Variants in SDK1 observed in about 807,000 individuals in gnomAD.
The protein encoded by SDK1 is protein sidekick-1.
Under a neutral mutation model 245.5 loss-of-function variants are expected in SDK1, and 157 were observed. That is an observed-to-expected ratio of 0.64 (90% CI 0.56 to 0.73). SDK1 has a LOEUF of 0.73. Among genes scored for constraint, SDK1 ranks in the 30% least tolerant of loss-of-function variants. The pLI is 0.00. For synonymous variants in SDK1, 1,647 were observed against 1,278.5 expected, an observed-to-expected ratio of 1.29 and a Z score of -6.15; for missense variants, 3,583 against 3,002.3, an observed-to-expected ratio of 1.19 and a Z score of -4.52.
At chr7:3,558,126 G>A (rs764448114) in intron 1 of SDK1, among the ~76,000 whole-genome samples, 13 of 151,820 alleles carry the variant, frequency 8.6e-5, no homozygotes, top group Admixed American at 4.6e-4. Flanking sequence ...TGAAATGGCC[G>A]GTATAGTTGC....
At chr7:3,335,878 A>G (rs909959226) in intron 1 of SDK1, among the ~76,000 whole-genome samples, 3 of 152,160 alleles carry the variant, frequency 2.0e-5, no homozygotes, top group Admixed American at 6.5e-5. Context: ...TAGGACTCAA[A>G]ATCCCTGGAC....
chr7:3,380,653 T>G (rs1281014978), intron 1 of SDK1, among the ~76,000 whole-genome samples: 2 of 152,174 alleles, frequency 1.3e-5, no homozygotes, highest in Non-Finnish European at 2.9e-5. Flanking sequence ...GTTCAGGTCA[T>G]GTAGGGGAGC....
chr7:3,328,014 G>T (rs143749235), intron 1 of SDK1, among the ~76,000 whole-genome samples: 2 of 152,082 alleles, frequency 1.3e-5, no homozygotes, highest in Admixed American at 1.3e-4. Flanking sequence ...TCTGGAGGCT[G>T]TGAAAATTAG....
chr7:4,154,040 G>T (rs1267105764), intron 30 of SDK1, among the ~76,000 whole-genome samples: 1 of 152,144 alleles, frequency 6.6e-6, no homozygotes, highest in African/African-American at 2.4e-5. Context: ...AAAGACAGCA[G>T]TGAATCGCTT....
At chr7:4,097,813 T>C (rs1189920274) in intron 22 of SDK1, among the ~76,000 whole-genome samples, 2 of 152,194 alleles carry the variant, frequency 1.3e-5, no homozygotes, top group Non-Finnish European at 2.9e-5. Context: ...TGTAGTTGAA[T>C]TTCTTTTTCA....
chr7:3,370,915 C>G (rs1166464439), intron 1 of SDK1, among the ~76,000 whole-genome samples: 2 of 152,136 alleles, frequency 1.3e-5, no homozygotes, highest in Admixed American at 6.6e-5. Flanking sequence ...GCTCCTTTCT[C>G]TCCACTTTGA....
At chr7:3,689,733 C>T (rs1784393893) in intron 4 of SDK1, among the ~76,000 whole-genome samples, 2 of 152,118 alleles carry the variant, frequency 1.3e-5, no homozygotes, top group South Asian at 4.1e-4. Context: ...GGCTTTTGCT[C>T]CGTTCCTACT....
intron 35 of SDK1, among the ~76,000 whole-genome samples, chr7:4,189,567 C>T (rs563734132): frequency 1.3e-5 from 2 of 152,152 alleles, no homozygotes; most frequent in Non-Finnish European, 2.9e-5. Context: ...ATCACTCGGC[C>T]GGCCAGGCAT....
chr7:3,301,761 G>T lies in SDK1; in HGVS notation c.175G>T (p.Gly59Cys), dbSNP rs1033487503. The T allele has an allele frequency of 1.5e-5, 15 of 986,522 alleles. No individual in the cohort carries two copies. The South Asian group carries it at 3.6e-4, about 24-fold the overall frequency. The allele number at this position is 986,522 out of a possible 1,614,324, so 61.1% of individuals were successfully genotyped here. A position where few individuals can be genotyped will look rare whatever the true frequency, so the allele number is the denominator to read the frequency against. ...ACCCCGGGCGGCGCCCGAGACCTCCGGCGGGGACACGGCGGGCGCGGGGCG... is the reference window on the plus strand; with the variant it reads ...ACCCCGGGCGGCGCCCGAGACCTCCTGCGGGGACACGGCGGGCGCGGGGCG... ...SRPRAAPETS[G>C]GDTAGAGRCG... Residue 59 changes from glycine to cysteine, a missense_variant, in exon 1 of 45, where the codon GGC becomes TGC. By Grantham distance (159) the Gly-to-Cys change is radical. Transcript: ENST00000404826.
At chr7:3,404,984 A>G (rs1244009702) in intron 1 of SDK1, among the ~76,000 whole-genome samples, 2 of 152,160 alleles carry the variant, frequency 1.3e-5, no homozygotes, top group Non-Finnish European at 2.9e-5. Flanking sequence ...AAAGATTCTG[A>G]ACAAAAACAA....
chr7:3,566,329 A>G (rs1258886425), intron 1 of SDK1, among the ~76,000 whole-genome samples: 1 of 147,072 alleles, frequency 6.8e-6, no homozygotes, highest in Non-Finnish European at 1.5e-5. Flanking sequence ...GGTTCACGCC[A>G]TTCTCCTGCC....
At chr7:3,569,486 G>T (rs1780039428) in intron 1 of SDK1, among the ~76,000 whole-genome samples, 1 of 152,230 alleles carries the variant, frequency 6.6e-6, no homozygotes, top group African/African-American at 2.4e-5. Context: ...GTGATTGAAT[G>T]AGCCCGAGGC....
intron 28 of SDK1, among the ~76,000 whole-genome samples, chr7:4,136,422 CT>C (rs1779095121): frequency 6.6e-6 from 1 of 152,228 alleles, no homozygotes; most frequent in African/African-American, 2.4e-5. Context: ...GCTTGGCCTT[CT>C]GAGTACATAA....
intron 1 of SDK1, among the ~76,000 whole-genome samples, chr7:3,387,190 C>T (rs1781631364): frequency 6.6e-6 from 1 of 152,156 alleles, no homozygotes. Context: ...CAGAGTACAT[C>T]TATATGTGTA....
At chr7:3,813,868 A>G (rs1228521265) in intron 4 of SDK1, among the ~76,000 whole-genome samples, 21 of 126,088 alleles carry the variant, frequency 1.7e-4, no homozygotes, top group African/African-American at 5.0e-4. Flanking sequence ...GCCAGTGATG[A>G]TGAGCATTTT....
At chr7:3,306,694 A>C (rs1779424817) in intron 1 of SDK1, among the ~76,000 whole-genome samples, 1 of 152,170 alleles carries the variant, frequency 6.6e-6, no homozygotes, top group Non-Finnish European at 1.5e-5. Flanking sequence ...TGTGTAGTTT[A>C]ATTCTCCCTA....
At chr7:3,455,107 C>A (rs908169615) in intron 1 of SDK1, among the ~76,000 whole-genome samples, 2 of 150,566 alleles carry the variant, frequency 1.3e-5, no homozygotes, top group African/African-American at 2.4e-5. Context: ...GATATCTGTT[C>A]GTGTCATTTG....
intron 4 of SDK1, among the ~76,000 whole-genome samples, chr7:3,799,640 G>A (rs1779056865): frequency 7.0e-6 from 1 of 143,852 alleles, no homozygotes; most frequent in Non-Finnish European, 1.5e-5. Context: ...GGGAGGCGGG[G>A]TTTGCAGTGA....
rs1788398478 is a variant in SDK1 at position 4,265,331 on chromosome 7, C to T, written c.6589C>T (p.Pro2197Ser). 5 of 1,479,524 alleles carry T rather than the reference C, an allele frequency of 3.4e-6. No homozygotes were observed. Among genetic ancestry groups the T allele is most frequent in the Non-Finnish European group, 4.4e-6 (5 of 1,128,878 alleles). 91.6% of individuals were successfully genotyped at this position (1,479,524 alleles called of 1,614,324 possible). A position where few individuals can be genotyped will look rare whatever the true frequency, so the allele number is the denominator to read the frequency against. The change falls in exon 45 of 45, where the codon CCC (proline) becomes TCC (serine). Residue 2197 changes from proline to serine, a missense_variant. Transcript: ENST00000404826. Reference sequence around the variant, plus strand: ...GCAGAGCGCGGGCGGCGTCTACACCCCCGCTGGCCCCGGCGCGCGAACTCC... The same window carrying T: ...GCAGAGCGCGGGCGGCGTCTACACCTCCGCTGGCCCCGGCGCGCGAACTCC... ...TTQSAGGVYTPAGPGARTPLT... is the reference protein window; with the variant it reads ...TTQSAGGVYTSAGPGARTPLT...
Sources: gnomAD v4.1 joint callset for allele counts (sites outside exome capture counted in the v4.1 genomes callset) on GRCh38, gnomAD v4.1.1 for gene constraint, MANE v1.5 for transcripts, NCBI Gene and HGNC (gene_info 2026-07-23, HGNC 2026-07-21) for gene names.